DZIP1L: variants seen among roughly 807,000 people sequenced by gnomAD.
DZIP1L encodes cilium assembly protein DZIP1L.
DZIP1L carries 90 observed loss-of-function variants against 88.7 expected under a neutral mutation model. The ratio of observed to expected loss-of-function variants is 1.02; its 90% confidence interval spans 0.86 to 1.21. DZIP1L has a LOEUF of 1.21. Ranked by LOEUF, DZIP1L falls within the 50% of genes most tolerant of loss-of-function variation. DZIP1L has a pLI of 0.00. For missense variants in DZIP1L, 932 were observed against 955.8 expected, an observed-to-expected ratio of 0.98 and a Z score of 0.33; for synonymous variants, 363 against 372.1, an observed-to-expected ratio of 0.98 and a Z score of 0.28.
chr3:138,089,886 A>G (rs1276267722), intron 5 of DZIP1L, among the ~76,000 whole-genome samples: 2 of 152,220 alleles, frequency 1.3e-5, no homozygotes, highest in South Asian at 2.1e-4. Flanking sequence ...CAGTGACTCA[A>G]GCCTGTAATC....
chr3:138,083,020 C>T (rs574125524), intron 8 of DZIP1L, among the ~76,000 whole-genome samples: 5 of 152,212 alleles, frequency 3.3e-5, no homozygotes, highest in Non-Finnish European at 7.3e-5. Flanking sequence ...CCAAGCCCAG[C>T]AACTGTCACC....
Position 138,092,543 on chromosome 3 carries a change from T to A in DZIP1L, c.710A>T (p.Glu237Val). The change falls in exon 5 of 16, where the codon GAA becomes GTA. Residue 237 changes from glutamate (E) to valine (V), a missense_variant and splice_region_variant. Physicochemically the swap from Glu to Val is moderately radical, Grantham distance 121 (BLOSUM62 -2). Coordinates refer to ENST00000327532, the MANE Select transcript of DZIP1L (RefSeq NM_173543.3). ...REAERQRQLQ[E>V]AELIHQREIE... ...TTCCCTCTGATGAATGAGCTCTGCT[T>A]CCTAAAAAGAAGAGCAAGAACAATA... 1.3e-6 allele frequency: 2 copies of A among 1,565,098 alleles called. No homozygotes were observed. Among genetic ancestry groups the A allele is most frequent in the Non-Finnish European group, 1.7e-6 (2 of 1,164,856 alleles).
Position 138,064,771 on chromosome 3 carries a change from G to A in DZIP1L, c.2003-4C>T. The A allele has an allele frequency of 6.4e-7, 1 of 1,560,412 alleles. No homozygotes were observed. Among genetic ancestry groups the A allele is most frequent in the Non-Finnish European group, 8.6e-7 (1 of 1,157,932 alleles). ...ACCATCGACTGCACCAGTGTTCCTGGAAGGTGAAAAAGTGGCTGTGTCAGT... is the reference window on the plus strand; with the variant it reads ...ACCATCGACTGCACCAGTGTTCCTGAAAGGTGAAAAAGTGGCTGTGTCAGT... On this transcript the variant is annotated splice_polypyrimidine_tract_variant and splice_region_variant and intron_variant, in intron 14 of 15. Transcript: ENST00000327532.
intron 12 of DZIP1L, chr3:138,068,988 A>G: frequency 2.3e-6 from 3 of 1,278,566 alleles, no homozygotes; most frequent in Non-Finnish European, 3.0e-6. Context: ...GGATTGGGTC[A>G]CAATGTAAAA....
chr3:138,068,674 T>C (rs972976460), intron 12 of DZIP1L, among the ~76,000 whole-genome samples: 1 of 152,114 alleles, frequency 6.6e-6, no homozygotes, highest in African/African-American at 2.4e-5. Flanking sequence ...TAGTCCTAGA[T>C]GGACTTCACC....
chr3:138,111,079 G>A (rs1226021189), intron 1 of DZIP1L, among the ~76,000 whole-genome samples: 3 of 152,136 alleles, frequency 2.0e-5, no homozygotes, highest in Non-Finnish European at 4.4e-5. Context: ...CACTCCCCTG[G>A]CTGTGAACTT....
chr3:138,068,805 A>C (rs1010526159), intron 12 of DZIP1L, among the ~76,000 whole-genome samples: 2 of 152,210 alleles, frequency 1.3e-5, no homozygotes, highest in African/African-American at 4.8e-5. Flanking sequence ...GATCCACTCA[A>C]ACCTCCTCCC....
chr3:138,095,887 G>A (rs1944448822), intron 3 of DZIP1L, among the ~76,000 whole-genome samples: 1 of 152,038 alleles, frequency 6.6e-6, no homozygotes, highest in Admixed American at 6.6e-5. Context: ...TGAACAAAAA[G>A]ATTCAGAATG....
chr3:138,100,022 C>A (rs998654807), intron 2 of DZIP1L, among the ~76,000 whole-genome samples: 1 of 152,016 alleles, frequency 6.6e-6, no homozygotes, highest in East Asian at 1.9e-4. Flanking sequence ...TGGTGACCAA[C>A]CCCCATCCTT....
At chr3:138,106,793 C>T (rs2042506013) in intron 1 of DZIP1L, among the ~76,000 whole-genome samples, 1 of 151,762 alleles carries the variant, frequency 6.6e-6, no homozygotes, top group Non-Finnish European at 1.5e-5. Context: ...GATCGCGCCA[C>T]GGCACTCCAG....
chr3:138,067,620 G>A lies in DZIP1L; in HGVS notation c.1913C>T (p.Ser638Phe), dbSNP rs1276163556. The A allele has an allele frequency of 6.2e-7, 1 of 1,611,898 alleles. No homozygotes were observed. Among genetic ancestry groups the A allele is most frequent in the African/African-American group, 1.3e-5 (1 of 74,838 alleles). ...ATCCTTGGGCCGGGGCACCATCCTGGAAGGAACTTTTGGGGGCTGTAGAGA... is the reference window on the plus strand; with the variant it reads ...ATCCTTGGGCCGGGGCACCATCCTGAAAGGAACTTTTGGGGGCTGTAGAGA... ...RVSLQPPKVP[S>F]RMVPRPKDDW... Residue 638 changes from serine to phenylalanine, a missense_variant, in exon 14 of 16, where the codon TCC becomes TTC. By Grantham distance (155) the Ser-to-Phe change is radical. Coordinates refer to ENST00000327532, the MANE Select transcript of DZIP1L (RefSeq NM_173543.3).
chr3:138,101,728 A>T, intron 2 of DZIP1L: 1 of 875,164 alleles, frequency 1.1e-6, no homozygotes. Flanking sequence ...CTCAGACTCC[A>T]GCCGGCTTTC....
chr3:138,088,557 G>A, intron 5 of DZIP1L, 50 bp from the exon 6 acceptor site: 2 of 1,594,904 alleles, frequency 1.3e-6, no homozygotes, highest in South Asian at 1.1e-5. Flanking sequence ...TCATCATGAT[G>A]TTGTCTTTTA....
At chr3:138,084,315 C>G in intron 7 of DZIP1L, 62 bp from the exon 8 acceptor site, 1 of 1,573,590 alleles carries the variant, frequency 6.4e-7, no homozygotes, top group Non-Finnish European at 8.6e-7. Context: ...TGCCTGGTGT[C>G]TGCAGGCTCA....
At chr3:138,072,490 G>A (rs1408646623) in intron 11 of DZIP1L, among the ~76,000 whole-genome samples, 1 of 151,566 alleles carries the variant, frequency 6.6e-6, no homozygotes, top group African/African-American at 2.4e-5. Context: ...AACCCTAGTT[G>A]TCTATTTTTT....
intron 5 of DZIP1L, chr3:138,089,074 C>T (rs1576471583): frequency 1.0e-6 from 1 of 985,388 alleles, no homozygotes; most frequent in Non-Finnish European, 1.2e-6. Context: ...TTGATTATTT[C>T]TTATAATATA....
intron 15 of DZIP1L, among the ~76,000 whole-genome samples, chr3:138,064,046 G>GT (rs991743458): frequency 3.9e-5 from 6 of 152,184 alleles, no homozygotes; most frequent in African/African-American, 2.4e-5. Flanking sequence ...AGTGAGGAGG[G>GT]TCTGATGATG....
intron 1 of DZIP1L, among the ~76,000 whole-genome samples, chr3:138,112,978 G>A (rs1184495207): frequency 6.6e-6 from 1 of 152,228 alleles, no homozygotes; most frequent in Non-Finnish European, 1.5e-5. Context: ...ATGACTCACT[G>A]TCATTAGGAA....
Position 138,086,959 on chromosome 3 carries a change from AC to A in DZIP1L, c.1062+1del. 1 of 1,613,478 alleles carries A rather than the reference AC, an allele frequency of 6.2e-7. No homozygotes were observed. Among genetic ancestry groups the A allele is most frequent in the Non-Finnish European group, 8.5e-7 (1 of 1,179,840 alleles). Reference sequence around the variant, plus strand: ...TCCCCGAGATCACCCAACAAAAGCTACCTCTTTCTTCTCAGCCATGTGCTCT... The same window carrying A: ...TCCCCGAGATCACCCAACAAAAGCTACTCTTTCTTCTCAGCCATGTGCTCT... On this transcript the variant is annotated splice_donor_variant, in intron 7 of 15. Coordinates refer to ENST00000327532, the MANE Select transcript of DZIP1L (RefSeq NM_173543.3). LOFTEE classifies it high-confidence loss of function.
Sources: gnomAD v4.1 joint callset for allele counts (sites outside exome capture counted in the v4.1 genomes callset) on GRCh38, gnomAD v4.1.1 for gene constraint, MANE v1.5 for transcripts, NCBI Gene and HGNC (gene_info 2026-07-23, HGNC 2026-07-21) for gene names.